Variants in CELF4 observed in about 807,000 individuals in gnomAD.
CELF4 encodes CUG-BP- and ETR-3-like factor 4.
A neutral mutation model predicts 59.9 loss-of-function variants in CELF4; 18 were observed. The ratio of observed to expected loss-of-function variants is 0.30; its 90% CI spans 0.21 to 0.45. The LOEUF (loss-of-function observed/expected upper bound fraction) is 0.45, where lower values mean the gene tolerates loss of function less well. CELF4 is among the 20% of genes least tolerant of loss of function. The pLI is 1.00. For synonymous variants in CELF4, 261 were observed against 267.1 expected (o/e 0.98, Z 0.22); for missense variants, 456 against 689.0 (o/e 0.66, Z 3.79).
chr18:37,484,026 C>G (rs1187542554), intron 2 of CELF4, among the ~76,000 whole-genome samples: 1 of 152,040 alleles, frequency 6.6e-6, no homozygotes, highest in Non-Finnish European at 1.5e-5. Flanking sequence ...AATCCTAAAC[C>G]TCCCCCTCTC....
chr18:37,353,382 G>T (rs1170085425), intron 2 of CELF4, among the ~76,000 whole-genome samples: 2 of 151,790 alleles, frequency 1.3e-5, no homozygotes. Context: ...GACGGGGCTG[G>T]CCCCTGTGGA....
At chr18:37,391,487 C>T (rs1239713779) in intron 2 of CELF4, among the ~76,000 whole-genome samples, 5 of 152,306 alleles carry the variant, frequency 3.3e-5, no homozygotes, top group East Asian at 3.9e-4. Context: ...CCCATGTGGT[C>T]GAACAGTCTT....
chr18:37,534,700 T>C (rs1373274672), intron 1 of CELF4, among the ~76,000 whole-genome samples: 1 of 152,024 alleles, frequency 6.6e-6, no homozygotes, highest in Non-Finnish European at 1.5e-5. Flanking sequence ...AACAAGATCA[T>C]TTAAAGGATG....
chr18:37,380,583 TATCC>T (rs879440175), intron 2 of CELF4, among the ~76,000 whole-genome samples: 3 of 152,032 alleles, frequency 2.0e-5, no homozygotes, highest in Non-Finnish European at 4.4e-5. Context: ...TTTATCCATC[TATCC>T]ATCCATCCAT....
At chr18:37,331,039 C>A (rs1254707443) in intron 2 of CELF4, among the ~76,000 whole-genome samples, 1 of 152,090 alleles carries the variant, frequency 6.6e-6, no homozygotes, top group Non-Finnish European at 1.5e-5. Context: ...GTCTCTGCTC[C>A]CACTCCCCAC....
At chr18:37,399,251 T>C (rs1480875074) in intron 2 of CELF4, among the ~76,000 whole-genome samples, 3 of 152,292 alleles carry the variant, frequency 2.0e-5, no homozygotes, top group Non-Finnish European at 4.4e-5. Context: ...GGGTCTGTCA[T>C]GGTGAATGGA....
chr18:37,552,596 C>T (rs1333695976), intron 1 of CELF4, among the ~76,000 whole-genome samples: 1 of 152,232 alleles, frequency 6.6e-6, no homozygotes, highest in East Asian at 1.9e-4. Flanking sequence ...TAATCACTGG[C>T]TCAGCCAAGA....
intron 3 of CELF4, among the ~76,000 whole-genome samples, chr18:37,287,118 C>T (rs28370925): frequency 0.12 from 17,533 of 152,070 alleles, 1,087 homozygotes; most frequent in African/African-American, 0.16. Flanking sequence ...CCAGGTGACT[C>T]GGGCTGGCCC....
chr18:37,368,021 G>T (rs916463149), intron 2 of CELF4, among the ~76,000 whole-genome samples: 5 of 151,934 alleles, frequency 3.3e-5, no homozygotes, highest in African/African-American at 1.2e-4. Flanking sequence ...AGGTGGGAGG[G>T]GAACCAGCCC....
chr18:37,368,591 G>T (rs749782731), intron 2 of CELF4, among the ~76,000 whole-genome samples: 1 of 152,170 alleles, frequency 6.6e-6, no homozygotes, highest in Non-Finnish European at 1.5e-5. Context: ...CCAATTTTCT[G>T]CCATAAACTT....
chr18:37,426,765 C>T (rs1419424325), intron 2 of CELF4, among the ~76,000 whole-genome samples: 3 of 152,256 alleles, frequency 2.0e-5, no homozygotes, highest in Non-Finnish European at 2.9e-5. Context: ...GGCCATGTTG[C>T]GTCGCCGCTG....
At chr18:37,318,535 C>T (rs2096952252) in intron 3 of CELF4, among the ~76,000 whole-genome samples, 1 of 151,180 alleles carries the variant, frequency 6.6e-6, no homozygotes, top group South Asian at 2.1e-4. Flanking sequence ...AAAAACCACA[C>T]AGCTTGGTGA....
intron 1 of CELF4, among the ~76,000 whole-genome samples, chr18:37,539,463 AC>A (rs1272618519): frequency 1.2e-4 from 13 of 105,138 alleles, no homozygotes; most frequent in African/African-American, 5.8e-4. Context: ...ACACACACAC[AC>A]ACACACAAAC....
chr18:37,422,667 C>G (rs181036902), intron 2 of CELF4, among the ~76,000 whole-genome samples: 31 of 152,230 alleles, frequency 2.0e-4, no homozygotes, highest in Admixed American at 1.2e-3. Context: ...CATGCATGTG[C>G]CAGCACATGC....
chr18:37,498,148 G>C (rs2099927305), intron 1 of CELF4, among the ~76,000 whole-genome samples: 1 of 152,202 alleles, frequency 6.6e-6, no homozygotes, highest in Non-Finnish European at 1.5e-5. Context: ...CATATGCAAA[G>C]ACTGAACAGA....
intron 2 of CELF4, among the ~76,000 whole-genome samples, chr18:37,443,639 GGT>G (rs1398121538): frequency 6.6e-6 from 1 of 152,068 alleles, no homozygotes; most frequent in Admixed American, 6.6e-5. Flanking sequence ...TCAGGAAGAG[GGT>G]CCAGGCTTCC....
chr18:37,354,738 G>C (rs550739344), intron 2 of CELF4, among the ~76,000 whole-genome samples: 1 of 152,258 alleles, frequency 6.6e-6, no homozygotes, highest in African/African-American at 2.4e-5. Context: ...AGGAGGAAAA[G>C]GGCCCTCTAG....
At chr18:37,520,474 G>GT (rs2099956065) in intron 1 of CELF4, among the ~76,000 whole-genome samples, 2 of 149,764 alleles carry the variant, frequency 1.3e-5, no homozygotes, top group African/African-American at 4.9e-5. Flanking sequence ...TTTTGGAGTT[G>GT]TATCTCTGGG....
intron 2 of CELF4, among the ~76,000 whole-genome samples, chr18:37,413,281 G>A (rs1474735525): frequency 6.6e-6 from 1 of 152,124 alleles, no homozygotes. Flanking sequence ...TGTTTTAAGG[G>A]GTGCATTTCT....
Sources: gnomAD v4.1 joint callset for allele counts (sites outside exome capture counted in the v4.1 genomes callset) on GRCh38, gnomAD v4.1.1 for gene constraint, MANE v1.5 for transcripts, NCBI Gene and HGNC (gene_info 2026-07-23, HGNC 2026-07-21) for gene names.